The following CSNK1G1 variants were observed in gnomAD, a reference collection of about 807,000 sequenced individuals.
The protein encoded by CSNK1G1 is casein kinase 1 gamma 1.
In CSNK1G1, 22 loss-of-function variants were observed where a neutral mutation model predicts 59.6. That is an observed-to-expected ratio of 0.37 (90% CI 0.26 to 0.53). CSNK1G1 has a LOEUF of 0.53. Among genes scored for constraint, CSNK1G1 ranks in the 20% least tolerant of loss-of-function variants. CSNK1G1 has a pLI of 0.89. For missense variants in CSNK1G1, 384 were observed against 519.5 expected (o/e 0.74, Z 2.54); for synonymous variants, 179 against 177.1 (o/e 1.01, Z -0.08).
chr15:64,270,687 G>A (rs1415562208), intron 2 of CSNK1G1, among the ~76,000 whole-genome samples: 1 of 151,556 alleles, frequency 6.6e-6, no homozygotes, highest in Non-Finnish European at 1.5e-5. Flanking sequence ...GTGAACCCAG[G>A]AGGCGGAGCT....
chr15:64,186,208 G>C (rs1325067607), intron 10 of CSNK1G1, among the ~76,000 whole-genome samples: 1 of 152,144 alleles, frequency 6.6e-6, no homozygotes, highest in African/African-American at 2.4e-5. Flanking sequence ...CCGAGTTTAA[G>C]TGATTCTCCT....
intron 11 of CSNK1G1, among the ~76,000 whole-genome samples, chr15:64,174,313 T>C (rs1460102626): frequency 6.6e-6 from 1 of 152,098 alleles, no homozygotes; most frequent in Non-Finnish European, 1.5e-5. Flanking sequence ...TTCAAAGGAG[T>C]TGGAATATTT....
chr15:64,200,177 G>A lies in CSNK1G1; in HGVS notation c.1107+2905C>T, dbSNP rs973301607. Among the ~76,000 whole-genome samples, 5 of 151,894 alleles carry A rather than the reference G, an allele frequency of 3.3e-5. No homozygotes were observed. The highest frequency in any genetic ancestry group is 1.9e-4 in the East Asian group (1 of 5,156). On this transcript the variant is annotated intron_variant, in intron 10 of 11. Transcript: ENST00000303052. This position sits in a 1 kb window ranked among gnomAD's most constrained non-coding sequence, Gnocchi z 4.3. ...GAAGAATCGCTTGAACTCAGGAGGC[G>A]GAGGTTGCAGTGAGCCAAGATCATG...
intron 2 of CSNK1G1, among the ~76,000 whole-genome samples, chr15:64,289,039 G>T (rs1894586231): frequency 6.6e-6 from 1 of 152,100 alleles, no homozygotes; most frequent in South Asian, 2.1e-4. Flanking sequence ...GCCGGCCGTG[G>T]TGGTGCACGC....
chr15:64,323,450 C>T (rs553315808), intron 1 of CSNK1G1, among the ~76,000 whole-genome samples: 15 of 151,958 alleles, frequency 9.9e-5, no homozygotes, highest in Non-Finnish European at 2.2e-4. Flanking sequence ...ACTGCAACCT[C>T]TGCCTCCTGG....
At chr15:64,332,614 T>C (rs1380982577) in intron 1 of CSNK1G1, among the ~76,000 whole-genome samples, 2 of 149,458 alleles carry the variant, frequency 1.3e-5, no homozygotes, top group African/African-American at 4.9e-5. Context: ...GCATGACACA[T>C]GTATACATAT....
chr15:64,235,020 T>G (rs1240397749), intron 4 of CSNK1G1, among the ~76,000 whole-genome samples: 1 of 152,032 alleles, frequency 6.6e-6, no homozygotes, highest in Non-Finnish European at 1.5e-5. Context: ...ATGATACTGG[T>G]AGACGCAAGC....
rs1210499541 is a variant in CSNK1G1, at chr15:64,188,098, T to G, written c.1108-7644A>C. ...ACACAATCCTACCTTGATGTTATTTTTATGGTTTATCATGAATGCATCAAG... is the reference window on the plus strand; with the variant it reads ...ACACAATCCTACCTTGATGTTATTTGTATGGTTTATCATGAATGCATCAAG... On this transcript the variant is annotated intron_variant, in intron 10 of 11. Coordinates refer to ENST00000303052, the MANE Select transcript of CSNK1G1 (RefSeq NM_022048.5). This position sits in a 1 kb window ranked among gnomAD's most constrained non-coding sequence, Gnocchi z 4.2. Among the ~76,000 whole-genome samples, 2 of 152,340 alleles carry G rather than the reference T, an allele frequency of 1.3e-5. No individual in the cohort carries two copies. Among genetic ancestry groups the G allele is most frequent in the East Asian group, 3.9e-4 (2 of 5,190 alleles).
chr15:64,261,446 C>T lies in CSNK1G1; in HGVS notation c.182-2205G>A, dbSNP rs527694367. ...TGAAACTCTGTCTCTACTAAAAATA[C>T]AAAAATTAGTTGGGGGTAGTGGTGG... On this transcript the variant is annotated intron_variant, in intron 2 of 11. Coordinates refer to ENST00000303052, the MANE Select transcript of CSNK1G1 (RefSeq NM_022048.5). Among the ~76,000 whole-genome samples, 3 of 152,042 alleles carry T rather than the reference C, an allele frequency of 2.0e-5. No individual in the cohort carries two copies. In the South Asian group the frequency reaches 6.2e-4, roughly 32 times the overall value.
At chr15:64,217,531 T>C (rs2082327849) in intron 4 of CSNK1G1, among the ~76,000 whole-genome samples, 1 of 152,116 alleles carries the variant, frequency 6.6e-6, no homozygotes, top group South Asian at 2.1e-4. Flanking sequence ...TTAAATAGGA[T>C]TACAGACGCC....
chr15:64,317,446 C>T (rs192626232), intron 1 of CSNK1G1, among the ~76,000 whole-genome samples: 15 of 150,462 alleles, frequency 1.0e-4, no homozygotes, highest in African/African-American at 3.4e-4. Context: ...CTTTTAAATC[C>T]TATTGTGAAG....
At chr15:64,215,361 C>T (rs752690108) in intron 5 of CSNK1G1, among the ~76,000 whole-genome samples, 4 of 151,842 alleles carry the variant, frequency 2.6e-5, no homozygotes, top group Non-Finnish European at 4.4e-5. Context: ...TAAAGGCGCT[C>T]GCCACCACGC....
intron 2 of CSNK1G1, among the ~76,000 whole-genome samples, chr15:64,281,655 T>C (rs1290730759): frequency 6.6e-6 from 1 of 152,006 alleles, no homozygotes; most frequent in Non-Finnish European, 1.5e-5. Context: ...CTGGCCTACA[T>C]GGCAAAACCC....
At chr15:64,203,995 T>C (rs1310735824) in intron 9 of CSNK1G1, among the ~76,000 whole-genome samples, 1 of 151,198 alleles carries the variant, frequency 6.6e-6, no homozygotes, top group Non-Finnish European at 1.5e-5. Context: ...ATATAAAAAT[T>C]AGCCGGGCGT....
At chr15:64,324,715 T>C (rs1896754535) in intron 1 of CSNK1G1, among the ~76,000 whole-genome samples, 1 of 152,246 alleles carries the variant, frequency 6.6e-6, no homozygotes, top group South Asian at 2.1e-4. Flanking sequence ...CCCCTTCATA[T>C]ATACATATAT....
chr15:64,246,635 A>G (rs1273852013), intron 4 of CSNK1G1, among the ~76,000 whole-genome samples: 1 of 106,982 alleles, frequency 9.3e-6, no homozygotes, highest in African/African-American at 4.6e-5. Flanking sequence ...TAAAAAAAAA[A>G]AAAAGGGGGG....
In CSNK1G1 at chr15:64,325,191, A is replaced by C. The variant is rs533497546; in HGVS notation, c.-224-24468T>G. Among the ~76,000 whole-genome samples, 6 of 152,328 alleles carry C rather than the reference A, an allele frequency of 3.9e-5. No individual in the cohort carries two copies. In the South Asian group the frequency reaches 1.0e-3, roughly 26 times the overall value. On this transcript the variant is annotated intron_variant, in intron 1 of 11. Transcript: ENST00000303052. Reference sequence around the variant, plus strand: ...ACAGTAATAGAAGTATATTTTAAGGAGAATGGAGCAACACAATTTCAAGTG... The same window carrying C: ...ACAGTAATAGAAGTATATTTTAAGGCGAATGGAGCAACACAATTTCAAGTG...
At chr15:64,346,420 GTTTTTATT>G (rs934905099) in intron 1 of CSNK1G1, among the ~76,000 whole-genome samples, 16 of 133,422 alleles carry the variant, frequency 1.2e-4, no homozygotes, top group African/African-American at 4.2e-4. Context: ...TTGGAAACGA[GTTTTTATT>G]TATTTATTTA....
intron 1 of CSNK1G1, among the ~76,000 whole-genome samples, chr15:64,313,403 T>C (rs1003752048): frequency 1.3e-5 from 2 of 152,172 alleles, no homozygotes; most frequent in Non-Finnish European, 2.9e-5. Context: ...ATATACACCA[T>C]GGAATACTAT....
Sources: allele counts gnomAD v4.1 joint callset (sites outside exome capture counted in the v4.1 genomes callset), GRCh38; gene constraint gnomAD v4.1.1; non-coding constraint Gnocchi (gnomAD v3.1); transcripts MANE v1.5; gene names NCBI Gene and HGNC (gene_info 2026-07-23, HGNC 2026-07-21).